The following MAP2K5 variants were observed in gnomAD, a reference collection of about 807,000 sequenced individuals.
MAP2K5 encodes the protein dual specificity mitogen-activated protein kinase kinase 5.
Under a neutral mutation model 83.1 loss-of-function variants are expected in MAP2K5, and 49 were observed. The ratio of observed to expected loss-of-function variants is 0.59; its 90% CI spans 0.47 to 0.75. The LOEUF is 0.75. Ranked by LOEUF, MAP2K5 falls within the 30% of genes least tolerant of loss-of-function variation. The pLI, the probability that MAP2K5 is intolerant of heterozygous loss-of-function variation, is 0.00. For synonymous variants in MAP2K5, 202 were observed against 191.8 expected, an observed-to-expected ratio of 1.05 and a Z score of -0.44; for missense variants, 457 against 557.5, an observed-to-expected ratio of 0.82 and a Z score of 1.82.
Position 67,572,848 on chromosome 15 carries a change from G to A in MAP2K5, c.253-7906G>A, listed in dbSNP as rs1176665435. Among the ~76,000 whole-genome samples the A allele has an allele frequency of 6.6e-6, 1 of 151,966 alleles. No homozygotes were observed. Among genetic ancestry groups the A allele is most frequent in the Non-Finnish European group, 1.5e-5 (1 of 68,008 alleles). On this transcript the variant is annotated intron_variant, in intron 3 of 21. Coordinates refer to ENST00000178640, the MANE Select transcript of MAP2K5 (RefSeq NM_145160.3). The surrounding 1 kb of genome is among the most constrained non-coding windows in gnomAD (Gnocchi z 4.2). ...TGAGTAGCTGGGACTACAGGCACCT[G>A]CTACCACGCCCAGCTAAGTTTTGTA...
intron 16 of MAP2K5, among the ~76,000 whole-genome samples, chr15:67,726,954 T>C (rs1396058322): frequency 6.6e-6 from 1 of 152,218 alleles, no homozygotes; most frequent in East Asian, 1.9e-4. Context: ...ATCCCAGCAC[T>C]TTGGGAGGCC....
chr15:67,671,268 C>T (rs1261148287), intron 13 of MAP2K5, among the ~76,000 whole-genome samples: 1 of 152,046 alleles, frequency 6.6e-6, no homozygotes, highest in Admixed American at 6.6e-5. Context: ...GGGAGAATTT[C>T]CAAGAGTAGA....
intron 8 of MAP2K5, among the ~76,000 whole-genome samples, chr15:67,608,943 A>G (rs1408034768): frequency 6.6e-6 from 1 of 152,108 alleles, no homozygotes; most frequent in Non-Finnish European, 1.5e-5. Flanking sequence ...GCACTTAGTG[A>G]GTGTTTCAGG....
intron 4 of MAP2K5, among the ~76,000 whole-genome samples, chr15:67,581,965 C>T (rs2085186817): frequency 2.6e-5 from 4 of 151,678 alleles, no homozygotes; most frequent in African/African-American, 9.7e-5. Context: ...GATTAATCCA[C>T]TTCTGTTGTA....
At chr15:67,759,637 T>C (rs1437097992) in intron 19 of MAP2K5, among the ~76,000 whole-genome samples, 1 of 152,134 alleles carries the variant, frequency 6.6e-6, no homozygotes, top group Admixed American at 6.5e-5. Context: ...TCTTTTACCT[T>C]AGAGACTTTA....
At chr15:67,629,542 T>G (rs2086414771) in intron 8 of MAP2K5, among the ~76,000 whole-genome samples, 1 of 152,100 alleles carries the variant, frequency 6.6e-6, no homozygotes. Context: ...TTGGCAGTAG[T>G]GGATTATGTA....
chr15:67,660,955 A>C (rs553828246), intron 12 of MAP2K5, among the ~76,000 whole-genome samples: 20 of 151,790 alleles, frequency 1.3e-4, no homozygotes, highest in Non-Finnish European at 2.8e-4. Context: ...AGAATAGTGG[A>C]GCAACACAAT....
intron 1 of MAP2K5, among the ~76,000 whole-genome samples, chr15:67,544,899 C>T (rs1182427913): frequency 6.6e-6 from 1 of 152,190 alleles, no homozygotes; most frequent in Non-Finnish European, 1.5e-5. Flanking sequence ...AAATGCCATC[C>T]TTCTCTTTGT....
rs942471812 is a variant in MAP2K5 at position 67,778,742 on chromosome 15, C to A, written c.1242+5990C>A. Reference sequence around the variant, plus strand: ...GGGGCTCAGATCAATTCAAAATGATCACCACATTCTACTAAACATGCCAAA... The same window carrying A: ...GGGGCTCAGATCAATTCAAAATGATAACCACATTCTACTAAACATGCCAAA... On this transcript the variant is annotated intron_variant, in intron 21 of 21. Transcript: ENST00000178640. This position sits in a 1 kb window ranked among gnomAD's most constrained non-coding sequence, Gnocchi z 5.0. Among the ~76,000 whole-genome samples the A allele has an allele frequency of 6.6e-5, 10 of 152,176 alleles. No individual in the cohort carries two copies. The highest frequency in any genetic ancestry group is 1.0e-4 in the Non-Finnish European group (7 of 68,032).
intron 17 of MAP2K5, among the ~76,000 whole-genome samples, chr15:67,743,552 T>G (rs574717469): frequency 6.6e-6 from 1 of 152,352 alleles, no homozygotes; most frequent in African/African-American, 2.4e-5. Flanking sequence ...TTCTCTTCCT[T>G]TATTTAAAAG....
intron 15 of MAP2K5, among the ~76,000 whole-genome samples, chr15:67,699,722 A>C (rs1279587386): frequency 1.3e-5 from 2 of 152,330 alleles, no homozygotes; most frequent in East Asian, 3.9e-4. Context: ...GATCAGCAGG[A>C]ACAGCAGGCA....
rs764582641 is a variant in MAP2K5, at chr15:67,794,108, G to A, written c.1243-12538G>A. ...GGTGGCCAGCTTATTTGTAACCAAA[G>A]TGTGCTCCCTCAGTCATTCATTCTG... On this transcript the variant is annotated intron_variant, in intron 21 of 21. Transcript: ENST00000178640. The surrounding 1 kb of genome is among the most constrained non-coding windows in gnomAD (Gnocchi z 4.6). Among the ~76,000 whole-genome samples, 3 of 152,226 alleles carry A rather than the reference G, an allele frequency of 2.0e-5. No individual in the cohort carries two copies. The highest frequency in any genetic ancestry group is 4.4e-5 in the Non-Finnish European group (3 of 68,034).
At position 67,702,211 on chromosome 15, in the gene MAP2K5, G is replaced by C. The variant is rs906356609; in HGVS notation, c.973-1126G>C. On this transcript the variant is annotated intron_variant, in intron 15 of 21. Transcript: ENST00000178640. The surrounding 1 kb of genome is among the most constrained non-coding windows in gnomAD (Gnocchi z 4.6). The stretch of plus-strand genomic sequence containing the variant: ...GCCTCATTTTCCTCATCTGTTAAAT[G>C]GTGATGATAAAATAGTACCAATATT... 2.0e-5 allele frequency among the ~76,000 whole-genome samples: 3 copies of C among 152,160 alleles called. No homozygotes were observed. The highest frequency in any genetic ancestry group is 7.2e-5 in the African/African-American group (3 of 41,432).
intron 3 of MAP2K5, among the ~76,000 whole-genome samples, chr15:67,570,973 A>C (rs1422816980): frequency 6.6e-6 from 1 of 152,176 alleles, no homozygotes; most frequent in African/African-American, 2.4e-5. Context: ...CCTGTTACAG[A>C]TGTATGGAAG....
At chr15:67,608,737 G>C (rs2085838451) in intron 8 of MAP2K5, among the ~76,000 whole-genome samples, 1 of 152,170 alleles carries the variant, frequency 6.6e-6, no homozygotes, top group Non-Finnish European at 1.5e-5. Flanking sequence ...GAGCAGGTTT[G>C]CTTTGTGTTC....
chr15:67,742,990 T>C (rs1405462667), intron 17 of MAP2K5, among the ~76,000 whole-genome samples: 1 of 152,172 alleles, frequency 6.6e-6, no homozygotes, highest in Non-Finnish European at 1.5e-5. Context: ...TGTGTGAAAA[T>C]GCATTGTCCT....
At chr15:67,715,993 T>G (rs954489750) in intron 16 of MAP2K5, among the ~76,000 whole-genome samples, 1 of 152,124 alleles carries the variant, frequency 6.6e-6, no homozygotes, top group Admixed American at 6.6e-5. Flanking sequence ...GACACAGATA[T>G]AAGGTTAGAC....
In MAP2K5 at chr15:67,676,067, C is replaced by G. The variant is rs938455046; in HGVS notation, c.847+11422C>G. On this transcript the variant is annotated intron_variant, in intron 13 of 21. Coordinates refer to ENST00000178640, the MANE Select transcript of MAP2K5 (RefSeq NM_145160.3). The surrounding 1 kb of genome is among the most constrained non-coding windows in gnomAD (Gnocchi z 4.8). ...TCGTTGTGTGTTTTGGCTCACCAGT[C>G]TCTATAGTATCCATTAGGGTAAGCT... Among the ~76,000 whole-genome samples the G allele has an allele frequency of 6.6e-6, 1 of 152,176 alleles. No individual in the cohort carries two copies. The highest frequency in any genetic ancestry group is 1.5e-5 in the Non-Finnish European group (1 of 68,022).
intron 19 of MAP2K5, among the ~76,000 whole-genome samples, chr15:67,751,997 G>A (rs1478920647): frequency 6.6e-6 from 1 of 152,020 alleles, no homozygotes; most frequent in Non-Finnish European, 1.5e-5. Context: ...CCTCATTCTT[G>A]TTGGTGGCTA....
Sources: allele counts gnomAD v4.1 joint callset (sites outside exome capture counted in the v4.1 genomes callset), GRCh38; gene constraint gnomAD v4.1.1; non-coding constraint Gnocchi (gnomAD v3.1); transcripts MANE v1.5; gene names NCBI Gene and HGNC (gene_info 2026-07-23, HGNC 2026-07-21).